Variants in GDPD5 observed in about 807,000 individuals in gnomAD.
The protein encoded by GDPD5 is glycerophosphodiester phosphodiesterase domain containing 5.
GDPD5 carries 48 observed loss-of-function variants against 75.1 expected under a neutral mutation model. That is an observed-to-expected ratio of 0.64 (90% confidence interval 0.51 to 0.81). The LOEUF is 0.81. Among genes scored for constraint, GDPD5 ranks in the 40% least tolerant of loss-of-function variants. GDPD5 has a pLI of 0.00. For missense variants in GDPD5, 706 were observed against 822.6 expected (o/e 0.86, Z 1.73); for synonymous variants, 336 against 339.0 (o/e 0.99, Z 0.10).
chr11:75,454,929 TAGAAAC>T (rs1240587256), intron 6 of GDPD5, among the ~76,000 whole-genome samples: 1 of 152,194 alleles, frequency 6.6e-6, no homozygotes, highest in Non-Finnish European at 1.5e-5. Context: ...GGCAGAATCT[TAGAAAC>T]AGAAGAGAAT....
intron 9 of GDPD5, chr11:75,448,759 T>G (rs947540506): frequency 4.2e-5 from 51 of 1,224,068 alleles, no homozygotes; most frequent in Non-Finnish European, 3.1e-6. Flanking sequence ...GCAGGGCACT[T>G]AGGACAAAAC....
chr11:75,515,349 G>T (rs1182862097), intron 1 of GDPD5, among the ~76,000 whole-genome samples: 2 of 152,188 alleles, frequency 1.3e-5, no homozygotes, highest in African/African-American at 2.4e-5. Context: ...CTTGGGCAAG[G>T]CTCAGTCTCT....
intron 1 of GDPD5, among the ~76,000 whole-genome samples, chr11:75,524,637 G>A (rs765036153): frequency 1.3e-5 from 2 of 152,196 alleles, no homozygotes; most frequent in Non-Finnish European, 2.9e-5. Flanking sequence ...GCACGTCTCA[G>A]GACCTCCAGA....
chr11:75,499,393 CCTTTTTTT>C (rs1184124194), intron 1 of GDPD5, among the ~76,000 whole-genome samples: 3 of 140,158 alleles, frequency 2.1e-5, no homozygotes, highest in Admixed American at 7.0e-5. Flanking sequence ...TTCTTCTTTT[CCTTTTTTT>C]TTTTTTTTTT....
intron 1 of GDPD5, among the ~76,000 whole-genome samples, chr11:75,500,568 A>C (rs1384229538): frequency 6.6e-6 from 1 of 151,692 alleles, no homozygotes; most frequent in African/African-American, 2.4e-5. Flanking sequence ...CTTGCCCATC[A>C]CATCCTTCTT....
intron 4 of GDPD5, among the ~76,000 whole-genome samples, chr11:75,460,295 C>T (rs1592090663): frequency 1.3e-5 from 2 of 151,564 alleles, no homozygotes; most frequent in South Asian, 4.2e-4. Context: ...GAATTATTCC[C>T]AGAGATTCTT....
At chr11:75,524,196 C>G (rs116717234) in intron 1 of GDPD5, among the ~76,000 whole-genome samples, 244 of 152,364 alleles carry the variant, frequency 1.6e-3, no homozygotes, top group African/African-American at 5.5e-3. Context: ...CCTGCAGGTT[C>G]CCCTGCCCAG....
chr11:75,437,204 G>A (rs1000066289), intron 15 of GDPD5, 156 bp from the exon 16 acceptor site: 4 of 604,584 alleles, frequency 6.6e-6, no homozygotes, highest in Non-Finnish European at 2.9e-6. Context: ...AGAGGGCAGA[G>A]TTGGGGCTTG....
At chr11:75,500,619 G>A (rs189939120) in intron 1 of GDPD5, among the ~76,000 whole-genome samples, 5 of 152,122 alleles carry the variant, frequency 3.3e-5, no homozygotes, top group Admixed American at 3.3e-4. Flanking sequence ...ACCCATCTCT[G>A]GCTGGACCAA....
chr11:75,470,533 C>A (rs1012994954), intron 3 of GDPD5, among the ~76,000 whole-genome samples: 1 of 152,138 alleles, frequency 6.6e-6, no homozygotes, highest in African/African-American at 2.4e-5. Context: ...ACCCATCCAT[C>A]GACATCCATC....
intron 4 of GDPD5, among the ~76,000 whole-genome samples, chr11:75,459,976 C>T (rs1454306433): frequency 4.6e-5 from 7 of 152,124 alleles, no homozygotes; most frequent in South Asian, 4.1e-4. Flanking sequence ...GAAGGGACAC[C>T]GGGAGGAACC....
chr11:75,521,375 A>G (rs934547572), intron 1 of GDPD5, among the ~76,000 whole-genome samples: 2 of 152,332 alleles, frequency 1.3e-5, no homozygotes, highest in African/African-American at 4.8e-5. Flanking sequence ...TTACAATTCA[A>G]ACAGATGCAG....
chr11:75,453,462 C>CA (rs1362007800), intron 6 of GDPD5, among the ~76,000 whole-genome samples: 3 of 151,786 alleles, frequency 2.0e-5, no homozygotes, highest in Non-Finnish European at 4.4e-5. Context: ...ACTAAAAATA[C>CA]AAAAAAATTA....
chr11:75,503,795 G>A lies in GDPD5; in HGVS notation c.-144-13475C>T, dbSNP rs557684454. Among the ~76,000 whole-genome samples the A allele has an allele frequency of 3.9e-5, 6 of 152,350 alleles. No homozygotes were observed. The East Asian group carries it at 1.2e-3, about 29-fold the overall frequency. On this transcript the variant is annotated intron_variant, in intron 1 of 16. Coordinates refer to ENST00000336898, the MANE Select transcript of GDPD5 (RefSeq NM_030792.8). ...AGCCCTGGGGAAAGTCAGGCGATCA[G>A]AGGAGACTAGCAGGTGCCATTGGCC...
intron 2 of GDPD5, among the ~76,000 whole-genome samples, chr11:75,489,169 A>G (rs187567081): frequency 6.6e-4 from 69 of 105,056 alleles, no homozygotes; most frequent in Admixed American, 4.2e-3. Context: ...CAATTTACAG[A>G]AAAAAAAATT....
Position 75,458,359 on chromosome 11 carries a change from C to A in GDPD5, c.222-573G>T, listed in dbSNP as rs796482345. Reference sequence around the variant, plus strand: ...ACTTCTCTGAGCCTTAGTTTCCTCACCTATAGGATGGGGATAAGAAAGTGC... The same window carrying A: ...ACTTCTCTGAGCCTTAGTTTCCTCAACTATAGGATGGGGATAAGAAAGTGC... On this transcript the variant is annotated intron_variant, in intron 4 of 16. Transcript: ENST00000336898. Among the ~76,000 whole-genome samples, 15 of 152,306 alleles carry A rather than the reference C, an allele frequency of 9.8e-5. 1 individual carries two copies. The highest frequency in any genetic ancestry group is 3.6e-4 in the African/African-American group (15 of 41,568).
intron 2 of GDPD5, among the ~76,000 whole-genome samples, chr11:75,483,693 T>A (rs573591176): frequency 6.6e-6 from 1 of 152,192 alleles, no homozygotes; most frequent in Admixed American, 6.5e-5. Flanking sequence ...TAAAAAGGAA[T>A]TGAGGCAACA....
At chr11:75,503,701 A>G (rs1791171817) in intron 1 of GDPD5, among the ~76,000 whole-genome samples, 1 of 152,252 alleles carries the variant, frequency 6.6e-6, no homozygotes, top group South Asian at 2.1e-4. Flanking sequence ...CAAGGACCTT[A>G]GAGAGCCTGC....
At chr11:75,486,242 A>C (rs756411418) in intron 2 of GDPD5, among the ~76,000 whole-genome samples, 5 of 152,168 alleles carry the variant, frequency 3.3e-5, no homozygotes, top group Non-Finnish European at 5.9e-5. Flanking sequence ...CCCTGTTCTG[A>C]CTGGGGAAGA....
Sources: gnomAD v4.1 joint callset for allele counts (sites outside exome capture counted in the v4.1 genomes callset) on GRCh38, gnomAD v4.1.1 for gene constraint, MANE v1.5 for transcripts, NCBI Gene and HGNC (gene_info 2026-07-23, HGNC 2026-07-21) for gene names.